Variants in CHD8 observed in about 807,000 individuals in gnomAD.
CHD8 encodes the protein chromodomain helicase DNA binding protein 8.
CHD8 carries 31 observed loss-of-function variants against 279.2 expected under a neutral mutation model. The ratio of observed to expected loss-of-function variants is 0.11; its 90% confidence interval spans 0.08 to 0.15. CHD8 has a LOEUF of 0.15. Ranked by LOEUF, CHD8 falls within the 10% of genes least tolerant of loss-of-function variation. The probability of loss-of-function intolerance (pLI) is 1.00; values close to 1 mark genes in which losing one functional copy is unlikely to be tolerated. For synonymous variants in CHD8, 1,081 were observed against 1,139.6 expected, an observed-to-expected ratio of 0.95 and a Z score of 1.04; for missense variants, 2,146 against 3,230.5, an observed-to-expected ratio of 0.66 and a Z score of 8.14.
chr14:21,402,076 T>C lies in CHD8; in HGVS notation c.3943A>G (p.Ile1315Val). Residue 1315 changes from isoleucine to valine, a missense_variant, in exon 20 of 38, where the codon ATC (isoleucine) becomes GTC (valine). Ile to Val is a conservative substitution (Grantham distance 29). Around this residue, in one of 26 missense-constraint regions of CHD8, gnomAD observed 35 missense variants for 82.4 expected, o/e 0.42. Coordinates refer to ENST00000646647, the MANE Select transcript of CHD8 (RefSeq NM_001170629.2). This position sits in a 1 kb window ranked among gnomAD's most constrained non-coding sequence, Gnocchi z 4.5. ...GAGCCTTCATCATCTTCCTCCATGA[T>C]GGCTGCATATGCTCCTTTTCTTAAA... Reference protein sequence around the residue: ...DLLRKGAYAAIMEEDDEGSKF... With the variant: ...DLLRKGAYAAVMEEDDEGSKF... 2 of 1,613,654 alleles carry C rather than the reference T, an allele frequency of 1.2e-6. No individual in the cohort carries two copies. Among genetic ancestry groups the C allele is most frequent in the Non-Finnish European group, 8.5e-7 (1 of 1,179,704 alleles).
chr14:21,423,524 T>C (rs913559842), intron 5 of CHD8, among the ~76,000 whole-genome samples: 2 of 152,086 alleles, frequency 1.3e-5, no homozygotes, highest in African/African-American at 4.8e-5. Flanking sequence ...CCATGAACTT[T>C]TTTTTTTGGC....
chr14:21,403,187 G>T lies in CHD8; in HGVS notation c.3544C>A (p.Arg1182=), dbSNP rs747319027. 1 of 1,613,778 alleles carries T rather than the reference G, an allele frequency of 6.2e-7. No homozygotes were observed. Among genetic ancestry groups the T allele is most frequent in the South Asian group, 1.1e-5 (1 of 91,078 alleles). ...RRYLYERIDG[R]VRGNLRQAAI... ...GCCTGTCGAAGGTTGCCTCTAACTC[G>T]CCCATCAATACGTTCATATAAGTAC... is the stretch of plus-strand genomic sequence containing the variant. The change falls in exon 18 of 38, where the codon CGA becomes AGA. Residue 1182 remains arginine, a synonymous_variant. Coordinates refer to ENST00000646647, the MANE Select transcript of CHD8 (RefSeq NM_001170629.2). The surrounding 1 kb of genome is among the most constrained non-coding windows in gnomAD (Gnocchi z 4.3).
At position 21,403,248 on chromosome 14, in the gene CHD8, T is replaced by G; in HGVS notation, c.3519-36A>C. 6.3e-7 allele frequency: 1 copy of G among 1,595,426 alleles called. No homozygotes were observed. The highest frequency in any genetic ancestry group is 8.6e-7 in the Non-Finnish European group (1 of 1,166,938). ...ATCGCAGAAAAAAAATGTAAGTGGC[T>G]AAGCAGAAGTGGAGACCAAAACAGC... On this transcript the variant is annotated intron_variant, in intron 17 of 37. Coordinates refer to ENST00000646647, the MANE Select transcript of CHD8 (RefSeq NM_001170629.2). The surrounding 1 kb of genome is among the most constrained non-coding windows in gnomAD (Gnocchi z 4.3).
intron 1 of CHD8, among the ~76,000 whole-genome samples, chr14:21,441,758 G>A (rs577786708): frequency 1.8e-4 from 27 of 152,206 alleles, no homozygotes; most frequent in African/African-American, 4.6e-4. Flanking sequence ...GCGTGGTGGT[G>A]GGCACCTGTA....
At chr14:21,429,364 TACA>T (rs1159205867) in intron 2 of CHD8, 29 bp from the exon 3 acceptor site, 13 of 1,601,438 alleles carry the variant, frequency 8.1e-6, no homozygotes, top group Middle Eastern at 1.7e-4. Flanking sequence ...ATTGCAAGAG[TACA>T]ACATTAAAGA....
intron 5 of CHD8, chr14:21,416,697 TAAAC>T (rs2139501892): frequency 1.3e-5 from 2 of 152,290 alleles, no homozygotes; most frequent in South Asian, 4.1e-4. Flanking sequence ...CTGAAACTAG[TAAAC>T]TTGAATGGTA....
chr14:21,391,735 C>CTT, intron 35 of CHD8, 93 bp from the exon 36 acceptor site: 1 of 1,514,948 alleles, frequency 6.6e-7, no homozygotes, highest in Non-Finnish European at 9.1e-7. Context: ...TGAAATGACT[C>CTT]TAGTATTTTC....
chr14:21,394,286 C>T lies in CHD8; in HGVS notation c.5590G>A (p.Ala1864Thr), dbSNP rs1382192127. 1.2e-6 allele frequency: 2 copies of T among 1,613,978 alleles called. No homozygotes were observed. The highest frequency in any genetic ancestry group is 1.1e-5 in the South Asian group (1 of 91,078). ...CTGCAATCTTGCTTACCATCTCCAG[C>T]TGCTGGGGGAAGGCGGCATACTTGG... Reference protein sequence around the residue: ...CRQVCRLPPAAGDEPPDPNLF... With the variant: ...CRQVCRLPPATGDEPPDPNLF... The change falls in exon 31 of 38, where the codon GCT becomes ACT. Residue 1864 changes from alanine to threonine, a missense_variant. Transcript: ENST00000646647.
chr14:21,433,030 C>CAGCT (rs1229217757), intron 1 of CHD8, among the ~76,000 whole-genome samples: 1 of 152,144 alleles, frequency 6.6e-6, no homozygotes, highest in East Asian at 1.9e-4. Context: ...TACCATGGCC[C>CAGCT]AGCTCCTCTT....
chr14:21,449,728 C>T (rs1052222619), intron 1 of CHD8, among the ~76,000 whole-genome samples: 1 of 152,192 alleles, frequency 6.6e-6, no homozygotes, highest in Non-Finnish European at 1.5e-5. Flanking sequence ...CTTAAGTATT[C>T]AATTTACTTC....
At chr14:21,442,191 G>A (rs187873841) in intron 1 of CHD8, among the ~76,000 whole-genome samples, 5 of 152,298 alleles carry the variant, frequency 3.3e-5, no homozygotes, top group East Asian at 1.9e-4. Flanking sequence ...CAATTAGGCC[G>A]GGTGCAGTGG....
chr14:21,437,559 C>G (rs1241682476), intron 1 of CHD8, among the ~76,000 whole-genome samples: 1 of 152,190 alleles, frequency 6.6e-6, no homozygotes, highest in Non-Finnish European at 1.5e-5. Context: ...ATTCTTCACC[C>G]TGAAGAGTAT....
At chr14:21,414,862 CACCCAGGAT>C (rs1888648001) in intron 8 of CHD8, 67 bp downstream of exon 8, 1 of 1,090,844 alleles carries the variant, frequency 9.2e-7, no homozygotes, top group Non-Finnish European at 1.4e-6. Context: ...GACACATTCC[CACCCAGGAT>C]ACCCAGGAGA....
At chr14:21,411,515 G>C (rs1359201563) in intron 10 of CHD8, among the ~76,000 whole-genome samples, 1 of 152,016 alleles carries the variant, frequency 6.6e-6, no homozygotes, top group Non-Finnish European at 1.5e-5. Context: ...TCATGAAAAA[G>C]CCCAGCTCAC....
At chr14:21,452,646 AG>A (rs1258465102) in intron 1 of CHD8, among the ~76,000 whole-genome samples, 3 of 151,154 alleles carry the variant, frequency 2.0e-5, no homozygotes, top group Non-Finnish European at 2.9e-5. Flanking sequence ...TTGTCTCAAA[AG>A]AAAAAAAAAA....
intron 1 of CHD8, among the ~76,000 whole-genome samples, chr14:21,454,640 T>C (rs1890341764): frequency 6.6e-6 from 1 of 152,180 alleles, no homozygotes; most frequent in Non-Finnish European, 1.5e-5. Flanking sequence ...AACTTTCTCC[T>C]AAGCCTGTCT....
At position 21,414,314 on chromosome 14, in the gene CHD8, T is replaced by C; in HGVS notation, c.2129A>G (p.His710Arg). ...RFKTKMAQMR[H>R]FFHEDEEPFN... ...ATTCCTAATTACCTCATGGAAGAAGTGTCTCATCTGAGCCATTTTGGTTTT... is the reference window on the plus strand; with the variant it reads ...ATTCCTAATTACCTCATGGAAGAAGCGTCTCATCTGAGCCATTTTGGTTTT... The change falls in exon 9 of 38, where the codon CAC becomes CGC. Residue 710 changes from histidine to arginine, a missense_variant. His to Arg is a conservative substitution (Grantham distance 29). Coordinates refer to ENST00000646647, the MANE Select transcript of CHD8 (RefSeq NM_001170629.2). 1 of 1,502,408 alleles carries C rather than the reference T, an allele frequency of 6.7e-7. No homozygotes were observed. The highest frequency in any genetic ancestry group is 9.1e-7 in the Non-Finnish European group (1 of 1,094,480). 93.1% of individuals were successfully genotyped at this position (1,502,408 alleles called of 1,614,324 possible).
rs1385296150 is a variant in CHD8 at position 21,385,821 on chromosome 14, G to A, written c.7538C>T (p.Ala2513Val). 1.9e-6 allele frequency: 3 copies of A among 1,546,716 alleles called. No homozygotes were observed. The highest frequency in any genetic ancestry group is 2.0e-5 in the Admixed American group (1 of 50,134). The change falls in exon 38 of 38, where the codon GCC becomes GTC. Residue 2513 changes from alanine to valine, a missense_variant. This residue lies in a region of CHD8 where 336 missense variants were observed against 392.9 expected (regional missense o/e 0.86). Transcript: ENST00000646647. ...HHHHHHPGLR[A>V]PGYPSSPVTT... ...CACTGGTGAAGAGGGGTAGCCAGGG[G>A]CTCTCAAGCCTGGATGGTGATGGTG... is the stretch of plus-strand genomic sequence containing the variant.
Position 21,403,813 on chromosome 14 carries a change from A to G in CHD8, c.3308-150T>C. Reference sequence around the variant, plus strand: ...AGAATTTCAGCACAAAAAAGTCTTAAATCGGCTGGGTACGGTGGCTCATGC... The same window carrying G: ...AGAATTTCAGCACAAAAAAGTCTTAGATCGGCTGGGTACGGTGGCTCATGC... On this transcript the variant is annotated intron_variant, in intron 16 of 37. Transcript: ENST00000646647. This position sits in a 1 kb window ranked among gnomAD's most constrained non-coding sequence, Gnocchi z 4.3. 1 of 749,808 alleles carries G rather than the reference A, an allele frequency of 1.3e-6. No individual in the cohort carries two copies. Among genetic ancestry groups the G allele is most frequent in the Non-Finnish European group, 2.2e-6 (1 of 463,474 alleles). The allele number at this position is 749,808 out of a possible 1,614,324, so 46.4% of individuals were successfully genotyped here.
Sources: gnomAD v4.1 joint callset for allele counts (sites outside exome capture counted in the v4.1 genomes callset) on GRCh38, gnomAD v4.1.1 for gene constraint, gnomAD v4.1.1 regional missense constraint, Gnocchi (gnomAD v3.1) non-coding constraint, MANE v1.5 for transcripts, NCBI Gene and HGNC (gene_info 2026-07-23, HGNC 2026-07-21) for gene names.